The following NOSIP variants were observed in gnomAD, a reference collection of about 807,000 sequenced individuals.
The protein encoded by NOSIP is nitric oxide synthase interacting protein.
A neutral mutation model predicts 36.4 loss-of-function variants in NOSIP; 25 were observed. The ratio of observed to expected loss-of-function variants is 0.69; its 90% CI spans 0.50 to 0.96. The LOEUF (loss-of-function observed/expected upper bound fraction) is 0.96. Among genes scored for constraint, NOSIP ranks in the 40% least tolerant of loss-of-function variants. The probability of loss-of-function intolerance (pLI) is 0.00; values close to 1 mark genes in which losing one functional copy is unlikely to be tolerated. For missense variants in NOSIP, 370 were observed against 429.0 expected, an observed-to-expected ratio of 0.86 and a Z score of 1.21; for synonymous variants, 187 against 179.2, an observed-to-expected ratio of 1.04 and a Z score of -0.35.
At chr19:49,565,425 T>TA (rs1322630985) in intron 1 of NOSIP, among the ~76,000 whole-genome samples, 1 of 151,974 alleles carries the variant, frequency 6.6e-6, no homozygotes, top group East Asian at 1.9e-4. Flanking sequence ...GTTAGACAGT[T>TA]ATGCTTTCTG....
chr19:49,579,459 C>T (rs2080596801), intron 1 of NOSIP, among the ~76,000 whole-genome samples: 1 of 152,152 alleles, frequency 6.6e-6, no homozygotes, highest in African/African-American at 2.4e-5. Flanking sequence ...ATAGCCAAAT[C>T]CCCAAACAAC....
At chr19:49,572,165 G>T (rs899744259) in intron 1 of NOSIP, among the ~76,000 whole-genome samples, 1 of 150,676 alleles carries the variant, frequency 6.6e-6, no homozygotes, top group Non-Finnish European at 1.5e-5. Flanking sequence ...GAGTGCAGTG[G>T]TGTGATCTCG....
chr19:49,578,883 A>G (rs2080588024), intron 1 of NOSIP, among the ~76,000 whole-genome samples: 1 of 151,928 alleles, frequency 6.6e-6, no homozygotes, highest in Non-Finnish European at 1.5e-5. Flanking sequence ...TTGGCCTCCC[A>G]AAGTGCTGGG....
chr19:49,572,712 G>A (rs910608661), intron 1 of NOSIP, among the ~76,000 whole-genome samples: 10 of 151,720 alleles, frequency 6.6e-5, no homozygotes, highest in East Asian at 1.9e-4. Flanking sequence ...AGTGGCTCAC[G>A]CCTGTAATCC....
chr19:49,561,157 T>A (rs974704517), intron 1 of NOSIP, among the ~76,000 whole-genome samples: 2 of 152,156 alleles, frequency 1.3e-5, no homozygotes, highest in Non-Finnish European at 2.9e-5. Flanking sequence ...GCTGGGCACT[T>A]AGCTAAGGCT....
intron 1 of NOSIP, among the ~76,000 whole-genome samples, chr19:49,577,783 AAG>A (rs1555737298): frequency 1.1e-3 from 165 of 151,500 alleles, no homozygotes; most frequent in African/African-American, 3.8e-3. Flanking sequence ...AAAAAAAAAA[AAG>A]AAGTATTGAT....
chr19:49,571,886 G>T (rs1177530963), intron 1 of NOSIP, among the ~76,000 whole-genome samples: 1 of 149,874 alleles, frequency 6.7e-6, no homozygotes, highest in Non-Finnish European at 1.5e-5. Flanking sequence ...TCGGGAGGCT[G>T]AGGCAGAAGA....
chr19:49,572,718 A>C (rs1234076210), intron 1 of NOSIP, among the ~76,000 whole-genome samples: 2 of 151,732 alleles, frequency 1.3e-5, no homozygotes, highest in African/African-American at 2.4e-5. Context: ...TCACGCCTGT[A>C]ATCCCAGCAC....
At chr19:49,565,244 G>T (rs2080390305) in intron 1 of NOSIP, among the ~76,000 whole-genome samples, 1 of 151,606 alleles carries the variant, frequency 6.6e-6, no homozygotes, top group East Asian at 1.9e-4. Context: ...CTGCACTCCA[G>T]CCTGGGAGTC....
Position 49,577,767 on chromosome 19 carries a change from G to A in NOSIP, c.-2+2748C>T, listed in dbSNP as rs200657042. ...GTAACAGAGCAAGGCCGTGTCTCGGGAAAAAAAAAAAAAAAAAGAAGTATT... is the reference window on the plus strand; with the variant it reads ...GTAACAGAGCAAGGCCGTGTCTCGGAAAAAAAAAAAAAAAAAAGAAGTATT... On this transcript the variant is annotated intron_variant, in intron 1 of 8. Transcript: ENST00000596358. Among the ~76,000 whole-genome samples the A allele has an allele frequency of 3.3e-4, 40 of 121,648 alleles. 1 individual carries two copies. The highest frequency in any genetic ancestry group is 3.3e-3 in the South Asian group (12 of 3,662). The allele number at this position is 121,648 out of a possible 152,430, so 79.8% of individuals were successfully genotyped here. A position where few individuals can be genotyped will look rare whatever the true frequency, so the allele number is the denominator to read the frequency against.
At chr19:49,576,537 A>G (rs2044899445) in intron 1 of NOSIP, among the ~76,000 whole-genome samples, 1 of 151,748 alleles carries the variant, frequency 6.6e-6, no homozygotes, top group Non-Finnish European at 1.5e-5. Context: ...TGATCGTGCC[A>G]CTGCACCACT....
intron 3 of NOSIP, chr19:49,559,240 C>G: frequency 2.3e-6 from 1 of 444,374 alleles, no homozygotes; most frequent in Non-Finnish European, 4.1e-6. Context: ...CTGTCCTCTC[C>G]CAATAGAGCT....
intron 1 of NOSIP, among the ~76,000 whole-genome samples, chr19:49,571,522 G>C (rs948642440): frequency 1.3e-5 from 2 of 152,134 alleles, no homozygotes; most frequent in Non-Finnish European, 2.9e-5. Flanking sequence ...GAGCAGGAGC[G>C]ACCGATGTCA....
chr19:49,579,318 T>G (rs2080594611), intron 1 of NOSIP: 1 of 152,220 alleles, frequency 6.6e-6, no homozygotes, highest in South Asian at 2.1e-4. Context: ...TAGAAGGTCA[T>G]TGGTTTGGAT....
chr19:49,577,294 C>A (rs571897289), intron 1 of NOSIP, among the ~76,000 whole-genome samples: 1 of 152,190 alleles, frequency 6.6e-6, no homozygotes, highest in African/African-American at 2.4e-5. Context: ...CGCGGTGGCT[C>A]ATGCCTGTAA....
At chr19:49,572,979 A>AG (rs1416293553) in intron 1 of NOSIP, among the ~76,000 whole-genome samples, 3 of 151,660 alleles carry the variant, frequency 2.0e-5, no homozygotes, top group African/African-American at 4.8e-5. Context: ...TCTCAAAAAA[A>AG]AAAAAAAAAA....
chr19:49,565,248 G>A (rs1465849325), intron 1 of NOSIP, among the ~76,000 whole-genome samples: 1 of 151,626 alleles, frequency 6.6e-6, no homozygotes, highest in Non-Finnish European at 1.5e-5. Flanking sequence ...ACTCCAGCCT[G>A]GGAGTCAGAG....
intron 1 of NOSIP, among the ~76,000 whole-genome samples, chr19:49,567,559 G>T (rs1384859554): frequency 2.6e-5 from 4 of 152,104 alleles, no homozygotes; most frequent in Non-Finnish European, 5.9e-5. Context: ...GCTGTGCCTG[G>T]GTCAGCAAGG....
In NOSIP at chr19:49,560,430, A is replaced by C. The variant is rs113004387; in HGVS notation, c.70+192T>G. 2.4e-4 allele frequency: 148 copies of C among 608,824 alleles called. 3 individuals carry two copies. In the African/African-American group the frequency reaches 2.5e-3, roughly 10 times the overall value. The allele number at this position is 608,824 out of a possible 1,614,324, so 37.7% of individuals were successfully genotyped here. On this transcript the variant is annotated intron_variant, in intron 2 of 8. Transcript: ENST00000596358. The surrounding 1 kb of genome is among the most constrained non-coding windows in gnomAD (Gnocchi z 4.6). ...TGGGAGGAGTGAGTTCATGCGCAGA[A>C]GGCAGAGAACACAGTGCCGGGCCAC...
Sources: gnomAD v4.1 joint callset for allele counts (sites outside exome capture counted in the v4.1 genomes callset) on GRCh38, gnomAD v4.1.1 for gene constraint, Gnocchi (gnomAD v3.1) non-coding constraint, MANE v1.5 for transcripts, NCBI Gene and HGNC (gene_info 2026-07-23, HGNC 2026-07-21) for gene names.